The following GLIS3 variants were observed in gnomAD, a reference collection of about 807,000 sequenced individuals.
The protein encoded by GLIS3 is zinc finger protein GLIS3.
Under a neutral mutation model 78.6 loss-of-function variants are expected in GLIS3, and 53 were observed. The observed-to-expected ratio is 0.67, with a 90% CI of 0.54 to 0.85. GLIS3 has a LOEUF of 0.85. Among genes scored for constraint, GLIS3 ranks in the 40% least tolerant of loss-of-function variants. GLIS3 has a pLI of 0.00. For missense variants in GLIS3, 1,703 were observed against 1,231.1 expected, an observed-to-expected ratio of 1.38 and a Z score of -5.74; for synonymous variants, 684 against 509.9, an observed-to-expected ratio of 1.34 and a Z score of -4.60.
the GLIS3 span, among the ~76,000 whole-genome samples, chr9:4,461,955 T>C: frequency 3.3e-5 from 5 of 152,348 alleles, no homozygotes; most frequent in South Asian, 4.1e-4. Flanking sequence ...ATTATGTTTA[T>C]GTAATATAAA....
At chr9:3,847,449 T>C (rs951775028) in intron 9 of GLIS3, among the ~76,000 whole-genome samples, 1 of 152,254 alleles carries the variant, frequency 6.6e-6, no homozygotes, top group East Asian at 1.9e-4. Flanking sequence ...TGTGGGACAA[T>C]GTAGTCCCTG....
intron 4 of GLIS3, among the ~76,000 whole-genome samples, chr9:4,094,927 T>C (rs1369940826): frequency 6.6e-6 from 1 of 152,182 alleles, no homozygotes; most frequent in East Asian, 1.9e-4. Context: ...TTGTACATAT[T>C]CATGGAGCAC....
intron 7 of GLIS3, among the ~76,000 whole-genome samples, chr9:3,888,102 C>T (rs1275916282): frequency 6.6e-6 from 1 of 152,100 alleles, no homozygotes; most frequent in Non-Finnish European, 1.5e-5. Context: ...GTTATGTTAA[C>T]CCTCATTGGG....
chr9:4,398,451 C>G, the GLIS3 span, among the ~76,000 whole-genome samples: 10 of 151,954 alleles, frequency 6.6e-5, no homozygotes, highest in Non-Finnish European at 1.0e-4. Context: ...ATTCTCATAC[C>G]CTTACAACCC....
At position 3,951,874 on chromosome 9, in the gene GLIS3, ACACACACACACG is replaced by A. The variant is rs1204348135; in HGVS notation, c.1711-14697_1711-14686del. On this transcript the variant is annotated intron_variant, in intron 4 of 10. Coordinates refer to ENST00000381971, the MANE Select transcript of GLIS3 (RefSeq NM_001042413.2). ...CACACACACACACACACACACACAC[ACACACACACACG>A]CACGCACACACCCACTGGCCTTTCT... 1.4e-3 allele frequency among the ~76,000 whole-genome samples: 217 copies of A among 150,720 alleles called. 1 individual carries two copies. The highest frequency in any genetic ancestry group is 5.0e-3 in the African/African-American group (203 of 40,838).
At chr9:3,945,269 T>G (rs1816215317) in intron 4 of GLIS3, among the ~76,000 whole-genome samples, 1 of 152,224 alleles carries the variant, frequency 6.6e-6, no homozygotes, top group Non-Finnish European at 1.5e-5. Flanking sequence ...CTATAATATA[T>G]GAGCATAATA....
intron 4 of GLIS3, among the ~76,000 whole-genome samples, chr9:4,048,935 T>C (rs1470202127): frequency 2.0e-5 from 3 of 152,180 alleles, no homozygotes; most frequent in African/African-American, 4.8e-5. Context: ...CACTTTGAAA[T>C]AGTCACCAAC....
intron 2 of GLIS3, among the ~76,000 whole-genome samples, chr9:4,251,883 T>C (rs1364687575): frequency 2.6e-5 from 4 of 152,220 alleles, no homozygotes; most frequent in Non-Finnish European, 5.9e-5. Flanking sequence ...TGGCTGGATA[T>C]GAAATTCTGG....
chr9:4,028,576 C>T (rs1195562855), intron 4 of GLIS3, among the ~76,000 whole-genome samples: 1 of 152,078 alleles, frequency 6.6e-6, no homozygotes, highest in East Asian at 1.9e-4. Flanking sequence ...AAGTGACATA[C>T]CTGTGTAGCC....
At chr9:4,447,061 T>A in the GLIS3 span, among the ~76,000 whole-genome samples, 3 of 152,042 alleles carry the variant, frequency 2.0e-5, no homozygotes, top group Admixed American at 6.6e-5. Flanking sequence ...TTTTTTTTTT[T>A]AATAGAGACA....
chr9:3,892,693 C>T (rs991629826), intron 7 of GLIS3, among the ~76,000 whole-genome samples: 2 of 151,946 alleles, frequency 1.3e-5, no homozygotes, highest in African/African-American at 4.8e-5. Context: ...CTTTACTCTT[C>T]ACAGGAAAGA....
chr9:4,472,243 C>A, the GLIS3 span, among the ~76,000 whole-genome samples: 5 of 152,240 alleles, frequency 3.3e-5, no homozygotes, highest in Non-Finnish European at 7.4e-5. Flanking sequence ...TTGACCCAGC[C>A]ATCCCATTAC....
chr9:4,149,806 G>C (rs891939760), intron 2 of GLIS3, among the ~76,000 whole-genome samples: 1 of 152,142 alleles, frequency 6.6e-6, no homozygotes, highest in Non-Finnish European at 1.5e-5. Flanking sequence ...ATAATGTCTG[G>C]TAAAATAAGG....
At chr9:4,441,746 G>A in the GLIS3 span, among the ~76,000 whole-genome samples, 1 of 151,980 alleles carries the variant, frequency 6.6e-6, no homozygotes, top group East Asian at 1.9e-4. Context: ...AGCTGGGATT[G>A]CAGGTGCTCA....
At chr9:3,833,037 T>G (rs1269847774) in intron 9 of GLIS3, among the ~76,000 whole-genome samples, 1 of 152,216 alleles carries the variant, frequency 6.6e-6, no homozygotes, top group Non-Finnish European at 1.5e-5. Flanking sequence ...ATAAAAGGTT[T>G]GTGATGTGGC....
At chr9:3,854,781 T>C (rs1819657621) in intron 9 of GLIS3, among the ~76,000 whole-genome samples, 1 of 151,956 alleles carries the variant, frequency 6.6e-6, no homozygotes, top group Non-Finnish European at 1.5e-5. Context: ...CCTAACCTCA[T>C]GATCCACCCG....
the GLIS3 span, among the ~76,000 whole-genome samples, chr9:4,411,773 G>T: frequency 1.3e-5 from 2 of 152,174 alleles, no homozygotes; most frequent in African/African-American, 4.8e-5. Flanking sequence ...ATCCACCACA[G>T]TCTTATGCCG....
chr9:4,149,373 CA>C lies in GLIS3; in HGVS notation c.389-23433del, dbSNP rs547216668. On this transcript the variant is annotated intron_variant, in intron 2 of 10. Transcript: ENST00000381971. The stretch of plus-strand genomic sequence containing the variant: ...TATTCAAACCCCAGCTAGCCCAACT[CA>C]AAAAACACACACAGATGGCTATGAG... 1.0e-3 allele frequency among the ~76,000 whole-genome samples: 154 copies of C among 152,270 alleles called. 1 individual carries two copies. In the Middle Eastern group the frequency reaches 0.01, roughly 10 times the overall value.
the GLIS3 span, among the ~76,000 whole-genome samples, chr9:4,451,481 G>C: frequency 6.6e-6 from 1 of 152,126 alleles, no homozygotes; most frequent in Non-Finnish European, 1.5e-5. Flanking sequence ...ATTGAACTCA[G>C]CTCTGCACCA....
Sources: gnomAD v4.1 joint callset for allele counts (sites outside exome capture counted in the v4.1 genomes callset) on GRCh38, gnomAD v4.1.1 for gene constraint, MANE v1.5 for transcripts, NCBI Gene and HGNC (gene_info 2026-07-23, HGNC 2026-07-21) for gene names.